The following REDIC1 variants were observed in gnomAD, a reference collection of about 807,000 sequenced individuals.
REDIC1 encodes the protein HEI10 Interacting Protein 1.
the REDIC1 span, among the ~76,000 whole-genome samples, chr12:39,836,123 TAA>T: frequency 6.6e-6 from 1 of 152,056 alleles, no homozygotes; most frequent in Non-Finnish European, 1.5e-5. Context: ...AATTTCATAG[TAA>T]AAGGACATTA....
the REDIC1 span, among the ~76,000 whole-genome samples, chr12:39,663,276 A>G: frequency 6.6e-6 from 1 of 152,066 alleles, no homozygotes; most frequent in Admixed American, 6.6e-5. Flanking sequence ...TGCTTTATGA[A>G]TCTTGTTGCT....
chr12:39,811,863 T>C, the REDIC1 span, among the ~76,000 whole-genome samples: 1 of 152,228 alleles, frequency 6.6e-6, no homozygotes, highest in East Asian at 1.9e-4. Flanking sequence ...GCATTTGTTT[T>C]CATGTCTAAT....
chr12:39,676,508 AT>A, the REDIC1 span, among the ~76,000 whole-genome samples: 1 of 152,198 alleles, frequency 6.6e-6, no homozygotes, highest in Non-Finnish European at 1.5e-5. Flanking sequence ...AAGAAGAGAA[AT>A]CTAAAAGTTT....
the REDIC1 span, among the ~76,000 whole-genome samples, chr12:39,850,170 G>T: frequency 6.6e-6 from 1 of 151,964 alleles, no homozygotes; most frequent in African/African-American, 2.4e-5. Flanking sequence ...AGGAGTCAGT[G>T]GATTTGTCCA....
At chr12:39,713,126 C>T in the REDIC1 span, among the ~76,000 whole-genome samples, 3 of 148,552 alleles carry the variant, frequency 2.0e-5, 1 homozygote, top group African/African-American at 7.4e-5. Context: ...TAGATATGTG[C>T]ATATACGTAT....
chr12:39,824,892 T>G, the REDIC1 span, among the ~76,000 whole-genome samples: 1 of 152,166 alleles, frequency 6.6e-6, no homozygotes, highest in African/African-American at 2.4e-5. Flanking sequence ...GGGTAAATTC[T>G]AGACAGAAGG....
the REDIC1 span, among the ~76,000 whole-genome samples, chr12:39,712,576 T>TC: frequency 6.9e-6 from 1 of 144,564 alleles, no homozygotes; most frequent in Non-Finnish European, 1.5e-5. Flanking sequence ...CGTATATACG[T>TC]ATATATGTAT....
chr12:39,881,680 G>A, the REDIC1 span, among the ~76,000 whole-genome samples: 14 of 152,240 alleles, frequency 9.2e-5, no homozygotes, highest in East Asian at 1.9e-4. Flanking sequence ...AAGTCTAGAC[G>A]TGAGGCATAA....
chr12:39,878,917 A>G, the REDIC1 span, among the ~76,000 whole-genome samples: 1 of 152,206 alleles, frequency 6.6e-6, no homozygotes, highest in African/African-American at 2.4e-5. Context: ...GAGGCCTAGG[A>G]GTATAGAATG....
At chr12:39,843,520 C>T in the REDIC1 span, among the ~76,000 whole-genome samples, 3 of 152,078 alleles carry the variant, frequency 2.0e-5, no homozygotes, top group South Asian at 6.2e-4. Flanking sequence ...TCTACTTGCC[C>T]TCCATTTCAA....
the REDIC1 span, chr12:39,865,003 C>T: frequency 4.5e-6 from 4 of 886,834 alleles, no homozygotes. Flanking sequence ...AAAAAAAATA[C>T]CGTGCTCTAT....
At chr12:39,778,542 T>C in the REDIC1 span, among the ~76,000 whole-genome samples, 68 of 152,336 alleles carry the variant, frequency 4.5e-4, no homozygotes, top group African/African-American at 1.6e-3. Flanking sequence ...TGATAAGTTA[T>C]ATTATTAATT....
At chr12:39,822,140 A>G in the REDIC1 span, among the ~76,000 whole-genome samples, 35 of 140,348 alleles carry the variant, frequency 2.5e-4, no homozygotes, top group South Asian at 1.1e-3. Flanking sequence ...TCATTGTTCA[A>G]TTCCCACCTA....
the REDIC1 span, among the ~76,000 whole-genome samples, chr12:39,812,798 G>T: frequency 6.7e-6 from 1 of 149,826 alleles, no homozygotes; most frequent in Non-Finnish European, 1.5e-5. Flanking sequence ...TATGACTTTA[G>T]GGGGTGGGGG....
the REDIC1 span, among the ~76,000 whole-genome samples, chr12:39,807,138 T>A: frequency 6.7e-6 from 1 of 148,806 alleles, no homozygotes; most frequent in East Asian, 1.9e-4. Context: ...CCACTGAAAG[T>A]AATTGCAAAA....
chr12:39,870,283 T>A, the REDIC1 span, among the ~76,000 whole-genome samples: 1 of 152,178 alleles, frequency 6.6e-6, no homozygotes. Context: ...TAAAAGCAGC[T>A]ATTATCTCTT....
the REDIC1 span, among the ~76,000 whole-genome samples, chr12:39,766,125 CTTTG>C: frequency 6.6e-6 from 1 of 152,086 alleles, no homozygotes; most frequent in Non-Finnish European, 1.5e-5. Flanking sequence ...ACAACCACCA[CTTTG>C]TTTATCTCCT....
At chr12:39,889,261 A>G in the REDIC1 span, among the ~76,000 whole-genome samples, 1 of 152,054 alleles carries the variant, frequency 6.6e-6, no homozygotes, top group African/African-American at 2.4e-5. Context: ...ATTTGTTATC[A>G]ATATAACATT....
At chr12:39,690,794 C>T in the REDIC1 span, among the ~76,000 whole-genome samples, 3 of 152,050 alleles carry the variant, frequency 2.0e-5, no homozygotes, top group Non-Finnish European at 2.9e-5. Context: ...TGCAGATTTT[C>T]TGATCCATAG....
Sources: gnomAD v4.1 joint callset for allele counts (sites outside exome capture counted in the v4.1 genomes callset) on GRCh38, gnomAD v4.1.1 for gene constraint, MANE v1.5 for transcripts, NCBI Gene and HGNC (gene_info 2026-07-23, HGNC 2026-07-21) for gene names.